The following ITPK1 variants were observed in gnomAD, a reference collection of about 807,000 sequenced individuals.
ITPK1 encodes the protein inositol-tetrakisphosphate 1-kinase, also known as inositol 1,3,4-trisphosphate 5/6-kinase.
A neutral mutation model predicts 45.3 loss-of-function variants in ITPK1; 21 were observed. The observed-to-expected ratio is 0.46, with a 90% CI of 0.33 to 0.67. The LOEUF (loss-of-function observed/expected upper bound fraction) is 0.67. Ranked by LOEUF, ITPK1 falls within the 30% of genes least tolerant of loss-of-function variation. The probability of loss-of-function intolerance (pLI) is 0.02; values close to 1 mark genes in which losing one functional copy is unlikely to be tolerated. For missense variants in ITPK1, 474 were observed against 573.5 expected (o/e 0.83, Z 1.77); for synonymous variants, 258 against 253.6 (o/e 1.02, Z -0.16).
At chr14:92,970,794 G>T (rs1459390347) in intron 5 of ITPK1, among the ~76,000 whole-genome samples, 1 of 152,132 alleles carries the variant, frequency 6.6e-6, no homozygotes, top group Admixed American at 6.5e-5. Flanking sequence ...CACCATGTCT[G>T]GCTAATTTTT....
intron 2 of ITPK1, among the ~76,000 whole-genome samples, chr14:93,097,057 C>T (rs944821078): frequency 1.3e-5 from 2 of 152,102 alleles, no homozygotes; most frequent in Non-Finnish European, 2.9e-5. Flanking sequence ...CTTATGAACC[C>T]GACTTCTCCG....
rs1018369543 is a variant in ITPK1 at position 92,938,587 on chromosome 14, C to T, written c.*2974G>A. The T allele has an allele frequency of 4.3e-6, 6 of 1,379,976 alleles. No homozygotes were observed. The African/African-American group carries it at 7.1e-5, about 16-fold the overall frequency. The allele number at this position is 1,379,976 out of a possible 1,614,324, so 85.5% of individuals were successfully genotyped here. A position where few individuals can be genotyped will look rare whatever the true frequency, so the allele number is the denominator to read the frequency against. On this transcript the variant is annotated 3_prime_UTR_variant, in exon 11 of 11. Transcript: ENST00000267615. ...TTCTCCTTTATTGACAGGCATGAGA[C>T]ACAGGCAGGCCCAGGCACAGGAAGC...
chr14:92,963,107 TA>T (rs1397008011), intron 5 of ITPK1, among the ~76,000 whole-genome samples: 1 of 152,218 alleles, frequency 6.6e-6, no homozygotes, highest in Non-Finnish European at 1.5e-5. Flanking sequence ...TACAGAAAAG[TA>T]AAAAATGTAC....
chr14:93,077,739 C>T (rs2139985842), intron 2 of ITPK1, among the ~76,000 whole-genome samples: 1 of 152,314 alleles, frequency 6.6e-6, no homozygotes, highest in African/African-American at 2.4e-5. Flanking sequence ...GAGGATTCGG[C>T]TCAGCATAGC....
intron 3 of ITPK1, chr14:93,068,126 G>A (rs1033873950): frequency 6.5e-6 from 1 of 152,938 alleles, no homozygotes; most frequent in Admixed American, 6.5e-5. Context: ...AACAACAGAT[G>A]AGTAAAAATC....
Position 93,016,363 on chromosome 14 carries a change from C to T in ITPK1, c.246+313G>A, listed in dbSNP as rs1224521880. Among the ~76,000 whole-genome samples the T allele has an allele frequency of 3.3e-5, 5 of 152,080 alleles. No individual in the cohort carries two copies. Among genetic ancestry groups the T allele is most frequent in the Non-Finnish European group, 5.9e-5 (4 of 68,006 alleles). On this transcript the variant is annotated intron_variant, in intron 4 of 10. Transcript: ENST00000267615. The surrounding 1 kb of genome is among the most constrained non-coding windows in gnomAD (Gnocchi z 5.0). Reference sequence around the variant, plus strand: ...CTACCTGAGCCAGGGGAAAGGGTTGCACATGCCTGTGCTGAGGACGTGGAG... The same window carrying T: ...CTACCTGAGCCAGGGGAAAGGGTTGTACATGCCTGTGCTGAGGACGTGGAG...
At chr14:92,990,389 AGC>A (rs1293433394) in intron 5 of ITPK1, among the ~76,000 whole-genome samples, 2 of 151,158 alleles carry the variant, frequency 1.3e-5, no homozygotes, top group Non-Finnish European at 3.0e-5. Context: ...AGCTAGAAGG[AGC>A]CAGGGTCCCA....
At chr14:93,026,492 G>A (rs1473347262) in intron 3 of ITPK1, among the ~76,000 whole-genome samples, 7 of 152,260 alleles carry the variant, frequency 4.6e-5, no homozygotes, top group South Asian at 4.1e-4. Flanking sequence ...TCAGAGAGAC[G>A]GATAACAGAC....
chr14:93,085,611 A>G (rs926474079), intron 2 of ITPK1, among the ~76,000 whole-genome samples: 1 of 151,656 alleles, frequency 6.6e-6, no homozygotes, highest in Non-Finnish European at 1.5e-5. Context: ...TGCCTTTGAG[A>G]CTCCCCTCCT....
chr14:93,046,526 T>TA (rs1200269649), intron 3 of ITPK1, among the ~76,000 whole-genome samples: 2 of 145,422 alleles, frequency 1.4e-5, no homozygotes, highest in Non-Finnish European at 3.0e-5. Context: ...CAGACTTTCC[T>TA]AAGTGCTCTG....
At chr14:93,061,816 T>C (rs966835843) in intron 3 of ITPK1, among the ~76,000 whole-genome samples, 6 of 152,216 alleles carry the variant, frequency 3.9e-5, no homozygotes, top group Non-Finnish European at 8.8e-5. Flanking sequence ...ACCAGAACCA[T>C]GGTCAGCATC....
intron 2 of ITPK1, among the ~76,000 whole-genome samples, chr14:93,112,817 A>G (rs553710626): frequency 6.6e-6 from 1 of 152,220 alleles, no homozygotes; most frequent in South Asian, 2.1e-4. Context: ...TCGTCAGTAC[A>G]GAAGCCCTGC....
chr14:93,106,617 A>G (rs1292980320), intron 2 of ITPK1, among the ~76,000 whole-genome samples: 1 of 152,194 alleles, frequency 6.6e-6, no homozygotes, highest in Non-Finnish European at 1.5e-5. Flanking sequence ...AAGTGGCTGC[A>G]GCCACTGCGC....
intron 8 of ITPK1, among the ~76,000 whole-genome samples, chr14:92,955,937 G>C (rs1033959423): frequency 6.6e-6 from 1 of 152,212 alleles, no homozygotes; most frequent in African/African-American, 2.4e-5. Flanking sequence ...TATCCAGAAA[G>C]AGAACATACA....
intron 5 of ITPK1, among the ~76,000 whole-genome samples, chr14:92,988,373 T>C (rs753817270): frequency 6.6e-6 from 1 of 152,204 alleles, no homozygotes. Flanking sequence ...ACTTCCCAGA[T>C]GAGTGAACAA....
intron 3 of ITPK1, among the ~76,000 whole-genome samples, chr14:93,055,322 T>C (rs1028508246): frequency 6.6e-6 from 1 of 152,164 alleles, no homozygotes; most frequent in Non-Finnish European, 1.5e-5. Context: ...CTTGGGTACA[T>C]GCCATGGAGG....
chr14:93,115,357 G>A (rs1229922348), intron 1 of ITPK1, 52 bp from the exon 2 acceptor site: 1 of 227,026 alleles, frequency 4.4e-6, no homozygotes, highest in East Asian at 8.9e-5. Flanking sequence ...CGGGAGGAGG[G>A]AGCGGCGCTC....
Position 92,940,110 on chromosome 14 carries a change from G to A in ITPK1, c.*1451C>T. On this transcript the variant is annotated 3_prime_UTR_variant, in exon 11 of 11. Transcript: ENST00000267615. ...CCTCCCTCCTCAAAGTGGGCATCCT[G>A]CAGCCCAGCTGAGCCAGGCCGAAGG... 7 of 985,800 alleles carry A rather than the reference G, an allele frequency of 7.1e-6. No individual in the cohort carries two copies. The highest frequency in any genetic ancestry group is 8.4e-6 in the Non-Finnish European group (7 of 830,036). The allele number at this position is 985,800 out of a possible 1,614,324, so 61.1% of individuals were successfully genotyped here. A position where few individuals can be genotyped will look rare whatever the true frequency, so the allele number is the denominator to read the frequency against.
intron 2 of ITPK1, among the ~76,000 whole-genome samples, chr14:93,108,800 G>A (rs1277130507): frequency 6.6e-6 from 1 of 152,214 alleles, no homozygotes; most frequent in Admixed American, 6.5e-5. Flanking sequence ...ATCAATTGAG[G>A]CCAGGAGTTC....
Sources: allele counts gnomAD v4.1 joint callset (sites outside exome capture counted in the v4.1 genomes callset), GRCh38; gene constraint gnomAD v4.1.1; non-coding constraint Gnocchi (gnomAD v3.1); transcripts MANE v1.5; gene names NCBI Gene and HGNC (gene_info 2026-07-23, HGNC 2026-07-21).